Variants in B4GALNT3 observed in about 807,000 individuals in gnomAD.
The protein encoded by B4GALNT3 is beta-1,4-N-acetylgalactosaminyltransferase 3.
B4GALNT3 carries 86 observed loss-of-function variants against 120.2 expected under a neutral mutation model. The ratio of observed to expected loss-of-function variants is 0.72; its 90% CI spans 0.60 to 0.86. B4GALNT3 has a LOEUF of 0.86. Among genes scored for constraint, B4GALNT3 ranks in the 40% least tolerant of loss-of-function variants. B4GALNT3 has a pLI of 0.00. For missense variants in B4GALNT3, 1,167 were observed against 1,298.9 expected, an observed-to-expected ratio of 0.90 and a Z score of 1.56; for synonymous variants, 518 against 510.4, an observed-to-expected ratio of 1.01 and a Z score of -0.20.
intron 1 of B4GALNT3, among the ~76,000 whole-genome samples, chr12:482,377 C>A (rs902908301): frequency 2.0e-5 from 3 of 152,164 alleles, no homozygotes; most frequent in African/African-American, 7.2e-5. Context: ...GGAAGGGAAC[C>A]CAGAGAGCAT....
intron 1 of B4GALNT3, among the ~76,000 whole-genome samples, chr12:491,711 TAACA>T (rs371202391): frequency 3.9e-5 from 6 of 152,134 alleles, no homozygotes; most frequent in Non-Finnish European, 7.4e-5. Context: ...AACCTACAAC[TAACA>T]TTATACTTAA....
At chr12:557,150 A>G (rs1005009990) in intron 15 of B4GALNT3, among the ~76,000 whole-genome samples, 13 of 152,258 alleles carry the variant, frequency 8.5e-5, no homozygotes, top group African/African-American at 2.6e-4. Flanking sequence ...ACTGGGGATG[A>G]TCATTGGTCT....
chr12:460,440 C>A lies in B4GALNT3; in HGVS notation c.64C>A (p.Arg22Ser), dbSNP rs1035522519. 1.3e-6 allele frequency: 2 copies of A among 1,570,478 alleles called. No individual in the cohort carries two copies. ...LLRPVKLLRR[R>S]FRLLLALAVV... ...GCGCCCGGTGAAGCTGCTGCGGAGG[C>A]GCTTCCGGCTGCTGCTGGCGCTCGC... The change falls in exon 1 of 20, where the codon CGC becomes AGC. Residue 22 changes from arginine to serine, a missense_variant. Arg to Ser is a moderately radical substitution (Grantham distance 110, BLOSUM62 -1). This residue lies in a region of B4GALNT3 where 171 missense variants were observed against 161.3 expected (regional missense o/e 1.06). Transcript: ENST00000266383. The surrounding 1 kb of genome is among the most constrained non-coding windows in gnomAD (Gnocchi z 8.0).
intron 3 of B4GALNT3, among the ~76,000 whole-genome samples, chr12:538,769 A>G (rs114408743): frequency 7.9e-4 from 121 of 152,230 alleles, no homozygotes; most frequent in African/African-American, 2.7e-3. Context: ...GGAGAGGCCA[A>G]ACCACACGCA....
chr12:508,815 C>T (rs10849141), intron 1 of B4GALNT3, among the ~76,000 whole-genome samples: 58,695 of 152,064 alleles, frequency 0.39, 11,827 homozygotes, highest in East Asian at 0.67. Flanking sequence ...GAGAACTAGA[C>T]AACTCTCTTT....
At chr12:551,084 C>T in intron 11 of B4GALNT3, 53 bp downstream of exon 11, 1 of 1,451,816 alleles carries the variant, frequency 6.9e-7, no homozygotes. Flanking sequence ...GGATTGCTGC[C>T]TGTGACTGGG....
At chr12:533,563 G>T (rs1206756679) in intron 1 of B4GALNT3, among the ~76,000 whole-genome samples, 1 of 152,224 alleles carries the variant, frequency 6.6e-6, no homozygotes, top group African/African-American at 2.4e-5. Context: ...GTGACTACAG[G>T]AGAAATGTGG....
chr12:560,559 A>G lies in B4GALNT3; in HGVS notation c.2889-784A>G, dbSNP rs374544895. Reference sequence around the variant, plus strand: ...TGAGGGAAGAAAGAAAAGGAAGGTGACACACTAAGAGAATTCGAGTGAAAA... The same window carrying G: ...TGAGGGAAGAAAGAAAAGGAAGGTGGCACACTAAGAGAATTCGAGTGAAAA... On this transcript the variant is annotated intron_variant, in intron 19 of 19. Transcript: ENST00000266383. Among the ~76,000 whole-genome samples, 603 of 152,322 alleles carry G rather than the reference A, an allele frequency of 4.0e-3. 18 individuals are homozygous for G. The South Asian group carries it at 0.082, about 21-fold the overall frequency.
chr12:524,105 G>T (rs1307763802), intron 1 of B4GALNT3, among the ~76,000 whole-genome samples: 1 of 152,162 alleles, frequency 6.6e-6, no homozygotes, highest in African/African-American at 2.4e-5. Flanking sequence ...CTGATCCGTG[G>T]TGGGATGGTT....
At chr12:552,292 T>TACACAC (rs10604398) in intron 12 of B4GALNT3, 129 bp downstream of exon 12, 834 of 626,990 alleles carry the variant, frequency 1.3e-3, no homozygotes, top group East Asian at 4.1e-3. Flanking sequence ...TCCTGAGTAC[T>TACACAC]ACACACACAC....
At chr12:477,121 C>T (rs1946193356) in intron 1 of B4GALNT3, among the ~76,000 whole-genome samples, 1 of 152,174 alleles carries the variant, frequency 6.6e-6, no homozygotes, top group South Asian at 2.1e-4. Context: ...TATAGGACTC[C>T]TGGTGCCTAG....
chr12:481,093 G>A (rs215223), intron 1 of B4GALNT3, among the ~76,000 whole-genome samples: 51,157 of 152,070 alleles, frequency 0.34, 9,628 homozygotes, highest in Middle Eastern at 0.47. Context: ...GAGGGAAGGC[G>A]AGGTGGGAGT....
rs565729988 is a variant in B4GALNT3, at chr12:553,564, C to T, written c.1641C>T (p.Pro547=). 1.9e-6 allele frequency: 3 copies of T among 1,613,930 alleles called. No homozygotes were observed. Among genetic ancestry groups the T allele is most frequent in the South Asian group, 2.2e-5 (2 of 91,086 alleles). ...PVKNLPQMRG[P]RPRPAGDSPR... is the part of the protein sequence containing the mutation. ...AGAACCTGCCTCAGATGAGGGGGCC[C>T]AGGCCCAGGCCCGCTGGTGACAGCC... is the stretch of plus-strand genomic sequence containing the variant. The change falls in exon 14 of 20, where the codon CCC becomes CCT. Residue 547 remains proline, a synonymous_variant. Transcript: ENST00000266383.
At chr12:492,248 G>T (rs1485075165) in intron 1 of B4GALNT3, among the ~76,000 whole-genome samples, 1 of 152,034 alleles carries the variant, frequency 6.6e-6, no homozygotes, top group African/African-American at 2.4e-5. Context: ...CAAGAAAACT[G>T]GAACTAATAA....
intron 1 of B4GALNT3, among the ~76,000 whole-genome samples, chr12:468,324 T>A (rs1946101884): frequency 6.6e-6 from 1 of 152,184 alleles, no homozygotes; most frequent in Non-Finnish European, 1.5e-5. Flanking sequence ...TTTAAAAACT[T>A]AAAAAGCCAA....
chr12:522,354 A>G (rs1441781488), intron 1 of B4GALNT3, among the ~76,000 whole-genome samples: 1 of 152,264 alleles, frequency 6.6e-6, no homozygotes, highest in Non-Finnish European at 1.5e-5. Flanking sequence ...ATTCTGACAC[A>G]TGCCACAACA....
At chr12:549,279 G>A (rs185592164) in intron 9 of B4GALNT3, among the ~76,000 whole-genome samples, 13 of 152,174 alleles carry the variant, frequency 8.5e-5, no homozygotes, top group East Asian at 3.9e-4. Flanking sequence ...TTGGCCACCC[G>A]TCTGTTGTAT....
At chr12:544,044 G>A (rs1190167145) in intron 3 of B4GALNT3, among the ~76,000 whole-genome samples, 1 of 136,970 alleles carries the variant, frequency 7.3e-6, no homozygotes, top group Non-Finnish European at 1.5e-5. Flanking sequence ...GGGCGGGCAT[G>A]GGGTGCTCAT....
chr12:520,925 A>C (rs549490214), intron 1 of B4GALNT3, among the ~76,000 whole-genome samples: 1 of 152,356 alleles, frequency 6.6e-6, no homozygotes, highest in Admixed American at 6.5e-5. Context: ...TCACTTTTCC[A>C]GGGGATATTC....
Sources: allele counts gnomAD v4.1 joint callset (sites outside exome capture counted in the v4.1 genomes callset), GRCh38; gene constraint gnomAD v4.1.1; regional missense constraint gnomAD v4.1.1; non-coding constraint Gnocchi (gnomAD v3.1); transcripts MANE v1.5; gene names NCBI Gene and HGNC (gene_info 2026-07-23, HGNC 2026-07-21).